The following EPHA6 variants were observed in gnomAD, a reference collection of about 807,000 sequenced individuals.
EPHA6 encodes ephrin type-A receptor 6.
In EPHA6, 50 loss-of-function variants were observed where a neutral mutation model predicts 112.0. The ratio of observed to expected loss-of-function variants is 0.45; its 90% CI spans 0.36 to 0.56. EPHA6 has a LOEUF of 0.56. EPHA6 is among the 20% of genes least tolerant of loss of function. The pLI is 0.00. For synonymous variants in EPHA6, 529 were observed against 490.7 expected (o/e 1.08, Z -1.03); for missense variants, 1,280 against 1,417.4 (o/e 0.90, Z 1.56).
intron 3 of EPHA6, among the ~76,000 whole-genome samples, chr3:97,102,589 G>A (rs747476857): frequency 6.6e-6 from 1 of 151,968 alleles, no homozygotes; most frequent in Non-Finnish European, 1.5e-5. Flanking sequence ...GAAAATATAC[G>A]TGCATGTGCC....
At chr3:96,884,355 G>A (rs2037499027) in intron 2 of EPHA6, among the ~76,000 whole-genome samples, 1 of 152,124 alleles carries the variant, frequency 6.6e-6, no homozygotes, top group Non-Finnish European at 1.5e-5. Flanking sequence ...CATGAGCACG[G>A]GATGTGTTTC....
intron 3 of EPHA6, among the ~76,000 whole-genome samples, chr3:97,007,259 A>C (rs1576308643): frequency 6.6e-6 from 1 of 152,258 alleles, no homozygotes; most frequent in East Asian, 1.9e-4. Flanking sequence ...TAGGTGTCTA[A>C]GAACTTGTCT....
At chr3:97,438,794 T>C (rs953630963) in intron 6 of EPHA6, among the ~76,000 whole-genome samples, 27 of 152,168 alleles carry the variant, frequency 1.8e-4, no homozygotes, top group African/African-American at 6.5e-4. Flanking sequence ...TGCTGGATCC[T>C]GTAAAACAGT....
In EPHA6 at chr3:97,490,345, G is replaced by T. The variant is rs1043693664; in HGVS notation, c.2200+6286G>T. 9.9e-5 allele frequency among the ~76,000 whole-genome samples: 15 copies of T among 152,144 alleles called. 1 individual carries two copies. In the Middle Eastern group the frequency reaches 0.024, roughly 245 times the overall value. On this transcript the variant is annotated intron_variant, in intron 10 of 17. Transcript: ENST00000389672. ...ATTTACTTGATAGACCAAAATTATA[G>T]AATTTATTATATGCCTTTGCACTTA... is the stretch of plus-strand genomic sequence containing the variant.
intron 5 of EPHA6, among the ~76,000 whole-genome samples, chr3:97,272,019 A>G (rs2079899378): frequency 6.6e-6 from 1 of 152,194 alleles, no homozygotes; most frequent in African/African-American, 2.4e-5. Context: ...TGTATTAAAT[A>G]TTCTAATGAT....
intron 7 of EPHA6, among the ~76,000 whole-genome samples, chr3:97,460,800 G>A (rs1310444748): frequency 6.6e-6 from 1 of 152,120 alleles, no homozygotes; most frequent in Non-Finnish European, 1.5e-5. Context: ...GGTCTTTGCA[G>A]CTACCACATG....
chr3:97,634,609 C>G (rs750024524), intron 13 of EPHA6, among the ~76,000 whole-genome samples: 9 of 152,022 alleles, frequency 5.9e-5, no homozygotes, highest in Admixed American at 2.0e-4. Flanking sequence ...CCGAATCACT[C>G]CCTAGGGAAT....
chr3:97,343,902 C>T (rs1217178489), intron 5 of EPHA6, among the ~76,000 whole-genome samples: 1 of 152,096 alleles, frequency 6.6e-6, no homozygotes, highest in Admixed American at 6.6e-5. Flanking sequence ...CATTGAGAGA[C>T]AAAGAGGATT....
chr3:97,491,597 G>C (rs2091839806), intron 10 of EPHA6, among the ~76,000 whole-genome samples: 1 of 144,472 alleles, frequency 6.9e-6, no homozygotes, highest in Admixed American at 7.1e-5. Context: ...AGGGAGTGTA[G>C]TCTCTCCTTG....
At chr3:96,820,942 A>G (rs72931337) in intron 1 of EPHA6, among the ~76,000 whole-genome samples, 2,023 of 151,982 alleles carry the variant, frequency 0.013, 49 homozygotes, top group African/African-American at 0.045. Flanking sequence ...ATTCATCTCT[A>G]TTATGATCAA....
intron 10 of EPHA6, among the ~76,000 whole-genome samples, chr3:97,485,226 A>G (rs1157637787): frequency 6.6e-6 from 1 of 152,194 alleles, no homozygotes; most frequent in Non-Finnish European, 1.5e-5. Context: ...TGTTTCTTTC[A>G]AAGTCCTTTT....
intron 5 of EPHA6, among the ~76,000 whole-genome samples, chr3:97,336,934 G>A (rs1172982174): frequency 6.6e-6 from 1 of 151,372 alleles, no homozygotes; most frequent in South Asian, 2.1e-4. Flanking sequence ...CTGGGATGCC[G>A]CTAAGTTGAA....
At chr3:96,923,688 A>G (rs1452234317) in intron 2 of EPHA6, among the ~76,000 whole-genome samples, 1 of 152,124 alleles carries the variant, frequency 6.6e-6, no homozygotes, top group Non-Finnish European at 1.5e-5. Flanking sequence ...CATCTTCATC[A>G]TGAAATATTT....
At chr3:97,467,418 A>G (rs1231895261) in intron 7 of EPHA6, among the ~76,000 whole-genome samples, 1 of 151,806 alleles carries the variant, frequency 6.6e-6, no homozygotes, top group African/African-American at 2.4e-5. Context: ...TCTTTATCTC[A>G]AACCACAGTA....
At chr3:96,921,080 TTAAGAC>T (rs1232453012) in intron 2 of EPHA6, among the ~76,000 whole-genome samples, 1 of 151,974 alleles carries the variant, frequency 6.6e-6, no homozygotes, top group African/African-American at 2.4e-5. Context: ...ACATTATACT[TTAAGAC>T]TAAGGACTAT....
At chr3:97,085,122 G>A (rs560569110) in intron 3 of EPHA6, among the ~76,000 whole-genome samples, 22 of 152,010 alleles carry the variant, frequency 1.4e-4, no homozygotes, top group Admixed American at 5.2e-4. Flanking sequence ...ATTTATAACC[G>A]GATACTGTGC....
chr3:97,533,319 T>G (rs924823476), intron 11 of EPHA6, among the ~76,000 whole-genome samples: 1 of 152,106 alleles, frequency 6.6e-6, no homozygotes, highest in African/African-American at 2.4e-5. Flanking sequence ...ACATTTATTT[T>G]AAAATCTTTT....
At chr3:96,834,265 C>T (rs1487341564) in intron 1 of EPHA6, among the ~76,000 whole-genome samples, 1 of 151,934 alleles carries the variant, frequency 6.6e-6, no homozygotes, top group Non-Finnish European at 1.5e-5. Context: ...AAATGTGATT[C>T]TCAATGCATA....
intron 8 of EPHA6, among the ~76,000 whole-genome samples, chr3:97,476,876 T>C (rs2091383784): frequency 1.3e-5 from 2 of 152,022 alleles, no homozygotes; most frequent in African/African-American, 4.8e-5. Flanking sequence ...GATATAGTAA[T>C]GGTCTTAGAA....
Sources: allele counts gnomAD v4.1 joint callset (sites outside exome capture counted in the v4.1 genomes callset), GRCh38; gene constraint gnomAD v4.1.1; transcripts MANE v1.5; gene names NCBI Gene and HGNC (gene_info 2026-07-23, HGNC 2026-07-21).